Variants in MYT1L observed in about 807,000 individuals in gnomAD.
MYT1L encodes myelin transcription factor 1 like.
MYT1L carries 12 observed loss-of-function variants against 126.7 expected under a neutral mutation model. The ratio of observed to expected loss-of-function variants is 0.09; its 90% CI spans 0.06 to 0.15. The LOEUF (loss-of-function observed/expected upper bound fraction) is 0.15. Among genes scored for constraint, MYT1L ranks in the 10% least tolerant of loss-of-function variants. MYT1L has a pLI of 1.00. For missense variants in MYT1L, 979 were observed against 1,585.2 expected (o/e 0.62, Z 6.49); for synonymous variants, 541 against 604.2 (o/e 0.90, Z 1.53).
chr2:1,933,013 AG>A (rs1238269135), intron 9 of MYT1L, among the ~76,000 whole-genome samples: 2 of 152,116 alleles, frequency 1.3e-5, no homozygotes, highest in Non-Finnish European at 2.9e-5. Flanking sequence ...CGTGCCTGGG[AG>A]GCTCCCTGGA....
chr2:2,139,884 C>A (rs2083686906), intron 3 of MYT1L, among the ~76,000 whole-genome samples: 1 of 152,058 alleles, frequency 6.6e-6, no homozygotes, highest in Non-Finnish European at 1.5e-5. Flanking sequence ...GTTTTCATTT[C>A]CTCAGGTATG....
At chr2:2,055,119 C>G (rs948352504) in intron 3 of MYT1L, among the ~76,000 whole-genome samples, 1 of 152,124 alleles carries the variant, frequency 6.6e-6, no homozygotes, top group Non-Finnish European at 1.5e-5. Flanking sequence ...AAAAAATACA[C>G]AAAACTATAT....
intron 3 of MYT1L, among the ~76,000 whole-genome samples, chr2:2,159,634 G>A (rs910754826): frequency 7.2e-5 from 11 of 152,016 alleles, no homozygotes; most frequent in East Asian, 1.9e-4. Context: ...CTGCCTTAGC[G>A]AGGGGGCGTG....
intron 23 of MYT1L, chr2:1,800,018 T>G (rs541937600): frequency 2.0e-5 from 3 of 152,368 alleles, no homozygotes; most frequent in African/African-American, 7.2e-5. Flanking sequence ...TGTGGAACTG[T>G]GAGTCCATTA....
chr2:2,325,842 C>A (rs939454241), intron 1 of MYT1L: 2 of 152,226 alleles, frequency 1.3e-5, no homozygotes, highest in African/African-American at 4.8e-5. Context: ...CCATTGTTGG[C>A]GCGTTCACAC....
At chr2:1,976,939 CG>C (rs2060233688) in intron 8 of MYT1L, among the ~76,000 whole-genome samples, 1 of 152,116 alleles carries the variant, frequency 6.6e-6, no homozygotes, top group East Asian at 1.9e-4. Context: ...GTAGACGTTA[CG>C]TAAGTTGTCC....
chr2:2,150,024 C>T (rs1052919282), intron 3 of MYT1L, among the ~76,000 whole-genome samples: 2 of 152,172 alleles, frequency 1.3e-5, no homozygotes, highest in African/African-American at 4.8e-5. Context: ...CTAAAAAGTG[C>T]TTTTCCTCTC....
intron 9 of MYT1L, among the ~76,000 whole-genome samples, chr2:1,930,794 C>T (rs113203650): frequency 1.3e-5 from 2 of 152,244 alleles, no homozygotes; most frequent in Non-Finnish European, 2.9e-5. Flanking sequence ...CTTTTAGGTT[C>T]GGGGGTCCAT....
chr2:2,165,907 AAAT>A (rs1459754464), intron 3 of MYT1L, among the ~76,000 whole-genome samples: 4 of 150,756 alleles, frequency 2.7e-5, no homozygotes, highest in African/African-American at 7.4e-5. Context: ...CTTTGTAAAA[AAAT>A]AAAATCTTTT....
intron 1 of MYT1L, among the ~76,000 whole-genome samples, chr2:2,312,955 T>C (rs1224698629): frequency 6.6e-6 from 1 of 152,058 alleles, no homozygotes; most frequent in Non-Finnish European, 1.5e-5. Flanking sequence ...AGCTGATGGT[T>C]GAGTGGCTAT....
At chr2:1,841,617 A>G (rs7593070) in intron 19 of MYT1L, 66,636 of 151,912 alleles carry the variant, frequency 0.44, 15,500 homozygotes, top group East Asian at 0.67. Flanking sequence ...ACCGGGAGGG[A>G]GCAGAAGCAG....
At chr2:2,072,859 C>T (rs529686865) in intron 3 of MYT1L, among the ~76,000 whole-genome samples, 2 of 152,308 alleles carry the variant, frequency 1.3e-5, no homozygotes, top group Non-Finnish European at 2.9e-5. Flanking sequence ...TTTCCTGAGG[C>T]CTCCTTAGCC....
chr2:1,888,968 G>A (rs771463413), intron 16 of MYT1L, among the ~76,000 whole-genome samples: 2 of 152,108 alleles, frequency 1.3e-5, no homozygotes, highest in African/African-American at 2.4e-5. Context: ...CTATTTATAC[G>A]TTTTCTTAGA....
chr2:2,182,357 A>G (rs994346988), intron 2 of MYT1L, among the ~76,000 whole-genome samples: 28 of 152,228 alleles, frequency 1.8e-4, no homozygotes, highest in African/African-American at 6.5e-4. Context: ...ATTTACCTTT[A>G]TAAGTGCAAA....
intron 2 of MYT1L, among the ~76,000 whole-genome samples, chr2:2,201,891 A>G (rs976708470): frequency 2.0e-5 from 3 of 152,206 alleles, no homozygotes; most frequent in Non-Finnish European, 4.4e-5. Context: ...AGCAAGAAAT[A>G]CAGACTTTTA....
chr2:2,033,368 G>A (rs979863858), intron 4 of MYT1L, among the ~76,000 whole-genome samples: 1 of 145,136 alleles, frequency 6.9e-6, no homozygotes, highest in Non-Finnish European at 1.5e-5. Flanking sequence ...ATTCCAGAAG[G>A]AGGGCCTTAC....
Position 2,018,904 on chromosome 2 carries a change from G to A in MYT1L, c.-157-21557C>T, listed in dbSNP as rs11690181. Among the ~76,000 whole-genome samples, 878 of 152,290 alleles carry A rather than the reference G, an allele frequency of 5.8e-3. 1 individual carries two copies. The highest frequency in any genetic ancestry group is 8.9e-3 in the Non-Finnish European group (606 of 68,036). On this transcript the variant is annotated intron_variant, in intron 4 of 24. Coordinates refer to ENST00000647738, the MANE Select transcript of MYT1L (RefSeq NM_001303052.2). ...CTGCTCTCCACCTGTCTACACTCAC[G>A]TGGGCATATTACATAGAGCTGGGGG...
At chr2:2,094,559 T>A (rs570113573) in intron 3 of MYT1L, among the ~76,000 whole-genome samples, 160 of 152,330 alleles carry the variant, frequency 1.1e-3, no homozygotes, top group Admixed American at 1.8e-3. Context: ...TAAGAAAATG[T>A]GGCACATATA....
intron 18 of MYT1L, among the ~76,000 whole-genome samples, chr2:1,855,236 C>T (rs2043764634): frequency 6.6e-6 from 1 of 152,222 alleles, no homozygotes; most frequent in South Asian, 2.1e-4. Flanking sequence ...ATCTTCGCCT[C>T]TCAAACGGAG....
Sources: gnomAD v4.1 joint callset for allele counts (sites outside exome capture counted in the v4.1 genomes callset) on GRCh38, gnomAD v4.1.1 for gene constraint, MANE v1.5 for transcripts, NCBI Gene and HGNC (gene_info 2026-07-23, HGNC 2026-07-21) for gene names.